The following MERTK variants were observed in gnomAD, a reference collection of about 807,000 sequenced individuals.
MERTK encodes MER proto-oncogene, tyrosine kinase.
Under a neutral mutation model 99.3 loss-of-function variants are expected in MERTK, and 69 were observed. The observed-to-expected ratio is 0.70, with a 90% CI of 0.57 to 0.85. The LOEUF (loss-of-function observed/expected upper bound fraction) is 0.85, where lower values mean the gene tolerates loss of function less well. MERTK is among the 40% of genes least tolerant of loss of function. The pLI, the probability that MERTK is intolerant of heterozygous loss-of-function variation, is 0.00. For synonymous variants in MERTK, 426 were observed against 467.6 expected (o/e 0.91, Z 1.15); for missense variants, 1,125 against 1,249.4 (o/e 0.90, Z 1.50).
chr2:112,013,608 G>A (rs1308787361), intron 15 of MERTK: 1 of 154,360 alleles, frequency 6.5e-6, no homozygotes, highest in African/African-American at 2.4e-5. Flanking sequence ...GTAGTTACTA[G>A]TGGAATCTAA....
chr2:111,968,204 G>C lies in MERTK; in HGVS notation c.912G>C (p.Trp304Cys), dbSNP rs779211043. The change falls in exon 6 of 19, where the codon TGG (tryptophan) becomes TGC (cysteine). Residue 304 changes from tryptophan to cysteine, a missense_variant. Coordinates refer to ENST00000295408, the MANE Select transcript of MERTK (RefSeq NM_006343.3). ...CTGCACACAGCATTCTGATCTCCTG[G>C]GTTCCTGGTTTTGATGGATACTCCC... ...NSTAHSILIS[W>C]VPGFDGYSPF... 1 of 1,613,950 alleles carries C rather than the reference G, an allele frequency of 6.2e-7. No homozygotes were observed. Among genetic ancestry groups the C allele is most frequent in the Non-Finnish European group, 8.5e-7 (1 of 1,179,992 alleles).
intron 10 of MERTK, among the ~76,000 whole-genome samples, chr2:112,000,025 C>CA (rs932714858): frequency 6.6e-6 from 1 of 152,072 alleles, no homozygotes; most frequent in Non-Finnish European, 1.5e-5. Context: ...GGGAATACCA[C>CA]AAAGTACATT....
Position 112,028,481 on chromosome 2 carries a change from G to A in MERTK, c.2617G>A (p.Val873Ile), listed in dbSNP as rs747522500. The change falls in exon 19 of 19, where the codon GTC (valine) becomes ATC (isoleucine). Residue 873 changes from valine to isoleucine, a missense_variant. By Grantham distance (29) the Val-to-Ile change is conservative. Coordinates refer to ENST00000295408, the MANE Select transcript of MERTK (RefSeq NM_006343.3). ...DVRNQADVIY[V>I]NTQLLESSEG... ...TCGGAACCAAGCAGACGTTATTTAC[G>A]TCAATACACAGTTGCTGGAGAGCTC... 1.5e-5 allele frequency: 25 copies of A among 1,614,044 alleles called. No homozygotes were observed. Among genetic ancestry groups the A allele is most frequent in the African/African-American group, 4.0e-5 (3 of 74,904 alleles).
intron 2 of MERTK, among the ~76,000 whole-genome samples, chr2:111,936,807 G>A (rs1684772276): frequency 6.6e-6 from 1 of 152,112 alleles, no homozygotes; most frequent in African/African-American, 2.4e-5. Flanking sequence ...GACACTGCTT[G>A]GCCAAGACCT....
intron 2 of MERTK, among the ~76,000 whole-genome samples, chr2:111,932,128 T>C (rs1374707293): frequency 6.6e-6 from 1 of 152,208 alleles, no homozygotes; most frequent in East Asian, 1.9e-4. Flanking sequence ...AAAATCTTAT[T>C]TGACCTCCAA....
intron 10 of MERTK, among the ~76,000 whole-genome samples, chr2:111,998,161 A>G (rs1420271099): frequency 2.6e-5 from 4 of 152,180 alleles, no homozygotes; most frequent in Admixed American, 2.6e-4. Flanking sequence ...GCTACGCTTT[A>G]TTTGTGTTCA....
chr2:111,911,088 G>A (rs1235147196), intron 1 of MERTK, among the ~76,000 whole-genome samples: 1 of 152,150 alleles, frequency 6.6e-6, no homozygotes, highest in Non-Finnish European at 1.5e-5. Context: ...AAGCTGCCAG[G>A]AAGAGTGGCA....
At chr2:111,944,926 C>T in intron 2 of MERTK, 34 bp from the exon 3 acceptor site, 2 of 1,552,886 alleles carry the variant, frequency 1.3e-6, no homozygotes, top group Non-Finnish European at 1.8e-6. Context: ...AAAGGGTAGT[C>T]ACTGTAAATA....
chr2:111,904,538 G>A (rs1227355887), intron 1 of MERTK, among the ~76,000 whole-genome samples: 1 of 152,052 alleles, frequency 6.6e-6, no homozygotes, highest in Non-Finnish European at 1.5e-5. Context: ...ACCAGACCTG[G>A]CTAATTTTTG....
rs747489065 is a variant in MERTK at position 111,975,282 on chromosome 2, C to T, written c.961-7C>T. Reference sequence around the variant, plus strand: ...ATGCCCGGTCCTCATGTTTACTCTTCGTTTAGGTCAAGGAAGCTGATCCGC... The same window carrying T: ...ATGCCCGGTCCTCATGTTTACTCTTTGTTTAGGTCAAGGAAGCTGATCCGC... On this transcript the variant is annotated splice_polypyrimidine_tract_variant and splice_region_variant and intron_variant, in intron 6 of 18. Transcript: ENST00000295408. 24 of 1,613,994 alleles carry T rather than the reference C, an allele frequency of 1.5e-5. No homozygotes were observed. Among genetic ancestry groups the T allele is most frequent in the Non-Finnish European group, 1.9e-5 (22 of 1,179,994 alleles).
intron 9 of MERTK, chr2:111,994,645 G>A (rs1215875527): frequency 3.9e-6 from 2 of 508,790 alleles, no homozygotes; most frequent in Admixed American, 4.8e-5. Flanking sequence ...TGGGCATGGT[G>A]GATCATGCCT....
intron 2 of MERTK, among the ~76,000 whole-genome samples, chr2:111,937,527 C>T (rs1425776570): frequency 1.3e-5 from 2 of 152,132 alleles, no homozygotes; most frequent in East Asian, 1.9e-4. Flanking sequence ...CATGCATCTC[C>T]ATGCAGGCTC....
chr2:111,902,308 A>G (rs1053148330), intron 1 of MERTK, among the ~76,000 whole-genome samples: 2 of 152,254 alleles, frequency 1.3e-5, no homozygotes, highest in African/African-American at 4.8e-5. Flanking sequence ...TGAATTGGGA[A>G]CATGCTGCTG....
At chr2:111,947,647 C>A (rs1684985427) in intron 4 of MERTK, 80 bp downstream of exon 4, 3 of 1,494,872 alleles carry the variant, frequency 2.0e-6, no homozygotes, top group Non-Finnish European at 2.8e-6. Flanking sequence ...TGCTGTGCAC[C>A]ACTAGCAGGC....
chr2:111,929,275 C>A lies in MERTK; in HGVS notation c.217C>A (p.Pro73Thr). 3 of 1,614,212 alleles carry A rather than the reference C, an allele frequency of 1.9e-6. No individual in the cohort carries two copies. The highest frequency in any genetic ancestry group is 1.1e-5 in the South Asian group (1 of 91,086). ...GTTTTCACCAACCCAGCCTGGAAGA[C>A]CACATACAGGAAACGTAGCCATTCC... The part of the protein sequence containing the change: ...LMFSPTQPGR[P>T]HTGNVAIPQV... The change falls in exon 2 of 19, where the codon CCA (proline) becomes ACA (threonine). Residue 73 changes from proline to threonine, a missense_variant. Pro to Thr is a conservative substitution (Grantham distance 38, BLOSUM62 -1). Transcript: ENST00000295408.
chr2:111,993,759 A>G (rs1450510855), intron 8 of MERTK, among the ~76,000 whole-genome samples: 3 of 150,202 alleles, frequency 2.0e-5, no homozygotes, highest in Non-Finnish European at 4.5e-5. Context: ...ACACTGAAAG[A>G]AAAAAAAAAG....
At chr2:111,979,309 T>C (rs1676319825) in intron 7 of MERTK, among the ~76,000 whole-genome samples, 2 of 152,212 alleles carry the variant, frequency 1.3e-5, no homozygotes, top group East Asian at 3.8e-4. Flanking sequence ...CCCTCAGAAG[T>C]TTAAAGGCGT....
chr2:111,962,251 T>C (rs1685264253), intron 4 of MERTK, among the ~76,000 whole-genome samples: 1 of 152,194 alleles, frequency 6.6e-6, no homozygotes, highest in Non-Finnish European at 1.5e-5. Context: ...CTCACACCTG[T>C]AATCCTAGCG....
chr2:111,983,506 C>G (rs1676413265), intron 8 of MERTK, among the ~76,000 whole-genome samples: 1 of 152,206 alleles, frequency 6.6e-6, no homozygotes, highest in Admixed American at 6.5e-5. Flanking sequence ...CTCTGGCCAG[C>G]CTGGCACAGC....
Sources: allele counts gnomAD v4.1 joint callset (sites outside exome capture counted in the v4.1 genomes callset), GRCh38; gene constraint gnomAD v4.1.1; transcripts MANE v1.5; gene names NCBI Gene and HGNC (gene_info 2026-07-23, HGNC 2026-07-21).